MACF1: variants seen among roughly 807,000 people sequenced by gnomAD.
MACF1 encodes microtubule actin crosslinking factor 1, also known as microtubule-actin cross-linking factor 1.
A neutral mutation model predicts 854.8 loss-of-function variants in MACF1; 193 were observed. The ratio of observed to expected loss-of-function variants is 0.23; its 90% CI spans 0.20 to 0.25. MACF1 has a LOEUF of 0.25. Among genes scored for constraint, MACF1 ranks in the 10% least tolerant of loss-of-function variants. The probability of loss-of-function intolerance (pLI) is 1.00; values close to 1 mark genes in which losing one functional copy is unlikely to be tolerated. For missense variants in MACF1, 7,722 were observed against 8,929.1 expected (o/e 0.86, Z 5.45); for synonymous variants, 3,185 against 3,226.7 (o/e 0.99, Z 0.44).
At position 39,283,214 on chromosome 1, in the gene MACF1, G is replaced by T. The variant is rs1645586504; in HGVS notation, c.721G>T (p.Val241Leu). The T allele has an allele frequency of 2.5e-6, 4 of 1,613,592 alleles. No individual in the cohort carries two copies. The highest frequency in any genetic ancestry group is 2.5e-6 in the Non-Finnish European group (3 of 1,179,562). Residue 241 changes from valine to leucine, a missense_variant, in exon 8 of 101, where the codon GTG becomes TTG. Around this residue, in one of 15 missense-constraint regions of MACF1, gnomAD observed 108 missense variants for 196.4 expected, o/e 0.55. Coordinates refer to ENST00000564288, the MANE Select transcript of MACF1 (RefSeq NM_001394062.1). The surrounding 1 kb of genome is among the most constrained non-coding windows in gnomAD (Gnocchi z 4.5). ...YRPDLVDMERVQIQSNRENLE... is the reference protein window; with the variant it reads ...YRPDLVDMERLQIQSNRENLE... ...ACCCGATCTAGTAGACATGGAGAGG[G>T]TGCAAATCCAAAGTAACCGAGAGAA...
At chr1:39,347,353 G>T in intron 41 of MACF1, 143 bp downstream of exon 41, 2 of 683,918 alleles carry the variant, frequency 2.9e-6, no homozygotes, top group Non-Finnish European at 5.1e-6. Context: ...GGCCAGTATG[G>T]TTCTAGTCCA....
At chr1:39,364,586 G>A (rs674600) in intron 49 of MACF1, among the ~76,000 whole-genome samples, 9,632 of 151,502 alleles carry the variant, frequency 0.064, 516 homozygotes, top group East Asian at 0.22. Context: ...TCTGCCTCCC[G>A]GGTTCACGCC....
At position 39,155,011 on chromosome 1, in the gene MACF1, C is replaced by T. The variant is rs147968342; in HGVS notation, c.220+70573C>T. ...AATCTCTTACCACCTGAGGTTACAT[C>T]TCACTATTTGCCTTTGTGGGACCCA... On this transcript the variant is annotated intron_variant, in intron 2 of 93. Coordinates refer to the MACF1 transcript ENST00000361689. 4.5e-3 allele frequency among the ~76,000 whole-genome samples: 681 copies of T among 152,324 alleles called. 5 individuals are homozygous for T. The highest frequency in any genetic ancestry group is 0.015 in the African/African-American group (629 of 41,562).
intron 2 of MACF1, among the ~76,000 whole-genome samples, chr1:39,111,213 G>GT (rs776138215): frequency 9.2e-5 from 14 of 151,980 alleles, no homozygotes; most frequent in Non-Finnish European, 1.3e-4. Context: ...GTTTATTCCA[G>GT]TTTTTTGGAG....
chr1:39,436,530 A>C, intron 70 of MACF1: 2 of 1,557,574 alleles, frequency 1.3e-6, no homozygotes, highest in Non-Finnish European at 1.8e-6. Context: ...GTGTTCTTAT[A>C]ATGCTGAAAA....
Position 39,318,438 on chromosome 1 carries a change from C to T in MACF1, c.3783-15C>T, listed in dbSNP as rs2148448430. 6.2e-7 allele frequency: 1 copy of T among 1,611,408 alleles called. No individual in the cohort carries two copies. The highest frequency in any genetic ancestry group is 1.3e-5 in the African/African-American group (1 of 74,854). ...TACCAAGGTATCTGATAGCAGTTTC[C>T]CTTTGTTCTTCTAGCCAATCTGAGC... On this transcript the variant is annotated splice_polypyrimidine_tract_variant and intron_variant, in intron 29 of 100. Transcript: ENST00000564288.
chr1:39,450,371 A>T (rs1300667619), intron 84 of MACF1, among the ~76,000 whole-genome samples: 1 of 151,776 alleles, frequency 6.6e-6, no homozygotes, highest in African/African-American at 2.4e-5. Flanking sequence ...CACACAACTG[A>T]TACAGAGCTA....
At chr1:39,458,792 A>G (rs994697405) in intron 90 of MACF1, 7 of 496,826 alleles carry the variant, frequency 1.4e-5, no homozygotes, top group East Asian at 1.0e-4. Context: ...AATTTAATCA[A>G]CACAACAGCT....
At chr1:39,325,886 G>A (rs756999721) in intron 35 of MACF1, among the ~76,000 whole-genome samples, 4 of 152,164 alleles carry the variant, frequency 2.6e-5, no homozygotes, top group Admixed American at 6.5e-5. Context: ...CAAGAGGATT[G>A]TCAGGAAGTA....
At chr1:39,457,739 T>A (rs1644468553) in intron 89 of MACF1, 1 of 152,504 alleles carries the variant, frequency 6.6e-6, no homozygotes, top group Non-Finnish European at 1.5e-5. Context: ...TCCCTGTCTC[T>A]GTTTGGGTTG....
At chr1:39,248,781 A>T (rs187765902) in intron 2 of MACF1, among the ~76,000 whole-genome samples, 1 of 152,102 alleles carries the variant, frequency 6.6e-6, no homozygotes, top group East Asian at 1.9e-4. Flanking sequence ...ATGCTGGAGT[A>T]TGGTGGTGTG....
Position 39,437,993 on chromosome 1 carries a change from G to A in MACF1, c.18205G>A (p.Asp6069Asn). The change falls in exon 71 of 101, where the codon GAT becomes AAT. Residue 6069 changes from aspartate to asparagine, a missense_variant. Coordinates refer to ENST00000564288, the MANE Select transcript of MACF1 (RefSeq NM_001394062.1). ...TGGACGATCTCAGGGAGCAGACAAG[G>A]ATCTGGCTGCAAAAGGTGCTTGATG... ...LIGRSQGADK[D>N]LAAKEIQDKL... is the part of the protein sequence containing the mutation. 3.1e-6 allele frequency: 5 copies of A among 1,613,930 alleles called. No individual in the cohort carries two copies. The highest frequency in any genetic ancestry group is 4.2e-6 in the Non-Finnish European group (5 of 1,179,928).
intron 58 of MACF1, among the ~76,000 whole-genome samples, chr1:39,419,200 A>G (rs914634716): frequency 6.6e-6 from 1 of 152,220 alleles, no homozygotes; most frequent in African/African-American, 2.4e-5. Flanking sequence ...TAATATTTAG[A>G]GGTGCTTTCA....
chr1:39,106,713 A>G (rs1000710569), intron 2 of MACF1, among the ~76,000 whole-genome samples: 1 of 151,904 alleles, frequency 6.6e-6, no homozygotes, highest in Admixed American at 6.6e-5. Flanking sequence ...TTCAGCCCCT[A>G]TGACTGAGTC....
chr1:39,274,741 A>G (rs539373515), intron 6 of MACF1, among the ~76,000 whole-genome samples: 9 of 152,358 alleles, frequency 5.9e-5, no homozygotes, highest in Admixed American at 3.3e-4. Flanking sequence ...TTGAATCCCA[A>G]TTCTGCAACT....
At position 39,443,580 on chromosome 1, in the gene MACF1, A is replaced by G. The variant is rs753434702; in HGVS notation, c.19431+6A>G. 1.3e-6 allele frequency: 2 copies of G among 1,588,782 alleles called. No homozygotes were observed. Among genetic ancestry groups the G allele is most frequent in the East Asian group, 4.5e-5 (2 of 44,546 alleles). On this transcript the variant is annotated splice_donor_region_variant and intron_variant, in intron 79 of 100. Transcript: ENST00000564288. ...AACAGCTTGATACACATATGGTAATAGCAATTTTTTGAAATTGAGCATAAG... is the reference window on the plus strand; with the variant it reads ...AACAGCTTGATACACATATGGTAATGGCAATTTTTTGAAATTGAGCATAAG...
chr1:39,244,502 C>T (rs534287340), intron 2 of MACF1, among the ~76,000 whole-genome samples: 46 of 151,824 alleles, frequency 3.0e-4, no homozygotes, highest in Non-Finnish European at 3.4e-4. Context: ...AGGCTGATCT[C>T]GAACTCCTGA....
chr1:39,396,207 C>CT (rs1199127524), intron 58 of MACF1, among the ~76,000 whole-genome samples: 1 of 151,740 alleles, frequency 6.6e-6, no homozygotes, highest in Non-Finnish European at 1.5e-5. Context: ...GTAGTCCCAG[C>CT]TACACAGGAG....
At chr1:39,459,792 T>C (rs200531949) in intron 91 of MACF1, 361 of 1,299,076 alleles carry the variant, frequency 2.8e-4, no homozygotes, top group Non-Finnish European at 2.0e-4. Context: ...ATATCTTTTG[T>C]ATTTTTTTAT....
Sources: allele counts gnomAD v4.1 joint callset (sites outside exome capture counted in the v4.1 genomes callset), GRCh38; gene constraint gnomAD v4.1.1; regional missense constraint gnomAD v4.1.1; non-coding constraint Gnocchi (gnomAD v3.1); transcripts MANE v1.5; gene names NCBI Gene and HGNC (gene_info 2026-07-23, HGNC 2026-07-21).